Variants in ZFAND3 observed in about 807,000 individuals in gnomAD.
ZFAND3 encodes zinc finger AN1-type containing 3, also known as AN1-type zinc finger protein 3.
In ZFAND3, 10 loss-of-function variants were observed where a neutral mutation model predicts 29.6. The ratio of observed to expected loss-of-function variants is 0.34; its 90% CI spans 0.21 to 0.57. The LOEUF (loss-of-function observed/expected upper bound fraction) is 0.57. Ranked by LOEUF, ZFAND3 falls within the 20% of genes least tolerant of loss-of-function variation. The pLI is 0.86. For missense variants in ZFAND3, 230 were observed against 304.5 expected (o/e 0.76, Z 1.82); for synonymous variants, 128 against 112.6 (o/e 1.14, Z -0.87).
At chr6:37,824,129 T>C (rs1335208805) in intron 1 of ZFAND3, among the ~76,000 whole-genome samples, 1 of 152,240 alleles carries the variant, frequency 6.6e-6, no homozygotes, top group African/African-American at 2.4e-5. Flanking sequence ...CTTGGAGACA[T>C]GGACTTAAAA....
chr6:37,871,260 A>G (rs189832375), intron 1 of ZFAND3, among the ~76,000 whole-genome samples: 2 of 152,032 alleles, frequency 1.3e-5, no homozygotes, highest in Non-Finnish European at 2.9e-5. Context: ...TATCCAGTGA[A>G]TGTTCTTATT....
intron 2 of ZFAND3, among the ~76,000 whole-genome samples, chr6:38,029,462 ATTTCT>A (rs1312416261): frequency 6.6e-6 from 1 of 152,138 alleles, no homozygotes; most frequent in Non-Finnish European, 1.5e-5. Flanking sequence ...CTTCCTTGTG[ATTTCT>A]TTTCTTTCTC....
chr6:38,136,645 G>T (rs1050151459), intron 5 of ZFAND3, among the ~76,000 whole-genome samples: 9 of 152,226 alleles, frequency 5.9e-5, no homozygotes, highest in Non-Finnish European at 8.8e-5. Context: ...CACAGGTGAA[G>T]ATGGGTCCTG....
At chr6:37,845,544 CTT>C (rs1764162666) in intron 1 of ZFAND3, among the ~76,000 whole-genome samples, 1 of 152,156 alleles carries the variant, frequency 6.6e-6, no homozygotes, top group African/African-American at 2.4e-5. Flanking sequence ...GCATGTATAG[CTT>C]AATCTTCCAA....
At chr6:38,056,135 C>G (rs1299728822) in intron 2 of ZFAND3, among the ~76,000 whole-genome samples, 3 of 152,160 alleles carry the variant, frequency 2.0e-5, no homozygotes, top group African/African-American at 7.2e-5. Context: ...CTTAAGGAAG[C>G]TCAATGAAAT....
At chr6:37,955,944 T>C (rs2127422590) in intron 2 of ZFAND3, among the ~76,000 whole-genome samples, 1 of 151,994 alleles carries the variant, frequency 6.6e-6, no homozygotes, top group South Asian at 2.1e-4. Flanking sequence ...AATAAGAAAA[T>C]TGGTTGCCTG....
chr6:38,014,429 C>T (rs926332547), intron 2 of ZFAND3, among the ~76,000 whole-genome samples: 15 of 152,074 alleles, frequency 9.9e-5, no homozygotes, highest in Admixed American at 6.5e-4. Context: ...CTGGTTTAAG[C>T]GATTCTCCCG....
At chr6:37,834,798 GAT>G (rs1411562834) in intron 1 of ZFAND3, among the ~76,000 whole-genome samples, 1 of 147,022 alleles carries the variant, frequency 6.8e-6, no homozygotes, top group African/African-American at 2.6e-5. Context: ...CATATATAAT[GAT>G]ATATGCTCAT....
chr6:37,983,343 CTTTTTTTTTTTTTTTTTT>C (rs70981516), intron 2 of ZFAND3, among the ~76,000 whole-genome samples: 6 of 50,040 alleles, frequency 1.2e-4, no homozygotes, highest in African/African-American at 4.0e-4. Flanking sequence ...CAGTTTTTAT[CTTTTTTTTTTTTTTTTTT>C]TTTTTTTTTT....
chr6:37,963,115 T>A (rs1425522626), intron 2 of ZFAND3, among the ~76,000 whole-genome samples: 1 of 152,158 alleles, frequency 6.6e-6, no homozygotes. Flanking sequence ...ACTGTAACAC[T>A]CGCTGCGAGG....
rs561030716 is a variant in ZFAND3 at position 37,935,301 on chromosome 6, A to T, written c.112+5302A>T. On this transcript the variant is annotated intron_variant, in intron 2 of 5. Coordinates refer to ENST00000287218, the MANE Select transcript of ZFAND3 (RefSeq NM_021943.3). ...ATCAGAGCTGGTCTGAGGATCTCTT[A>T]TGGCCTAATTTTGGCTTTTCTTACC... Among the ~76,000 whole-genome samples, 469 of 152,240 alleles carry T rather than the reference A, an allele frequency of 3.1e-3. 3 individuals are homozygous for T. Among genetic ancestry groups the T allele is most frequent in the African/African-American group, 0.011 (446 of 41,556 alleles).
At chr6:38,096,345 G>C (rs982967882) in intron 4 of ZFAND3, among the ~76,000 whole-genome samples, 2 of 152,040 alleles carry the variant, frequency 1.3e-5, no homozygotes, top group Non-Finnish European at 2.9e-5. Context: ...GCTAACTTTT[G>C]TATTTTTAGT....
chr6:37,920,238 T>C (rs1761352534), intron 1 of ZFAND3, among the ~76,000 whole-genome samples: 2 of 152,112 alleles, frequency 1.3e-5, no homozygotes, highest in South Asian at 2.1e-4. Flanking sequence ...ATATATTGGG[T>C]GTGTTAGAGT....
intron 1 of ZFAND3, among the ~76,000 whole-genome samples, chr6:37,897,362 G>A (rs926098171): frequency 6.6e-6 from 1 of 152,158 alleles, no homozygotes; most frequent in African/African-American, 2.4e-5. Flanking sequence ...TGTTGCTTAT[G>A]GTAGTAATTC....
At chr6:38,080,055 CAA>C (rs59385588) in intron 3 of ZFAND3, among the ~76,000 whole-genome samples, 6 of 130,058 alleles carry the variant, frequency 4.6e-5, no homozygotes, top group East Asian at 2.1e-4. Context: ...AAAGTTCCTC[CAA>C]AAAAAAAAAA....
chr6:38,146,005 T>C (rs926688834), intron 5 of ZFAND3, among the ~76,000 whole-genome samples: 1 of 152,230 alleles, frequency 6.6e-6, no homozygotes, highest in Non-Finnish European at 1.5e-5. Context: ...TGCCATAATC[T>C]TGTGTCTTTG....
intron 2 of ZFAND3, among the ~76,000 whole-genome samples, chr6:38,049,976 A>G (rs1249919940): frequency 1.9e-5 from 2 of 103,574 alleles, no homozygotes; most frequent in Admixed American, 2.2e-4. Context: ...TTTGGGGGAG[A>G]CAGAGTCTCT....
chr6:37,906,699 T>TA, intron 1 of ZFAND3, among the ~76,000 whole-genome samples: 1 of 97,568 alleles, frequency 1.0e-5, no homozygotes, highest in African/African-American at 4.3e-5. Context: ...ACTTACTTTC[T>TA]GTTTTTTTTT....
intron 3 of ZFAND3, among the ~76,000 whole-genome samples, chr6:38,072,076 A>G (rs959847821): frequency 6.6e-6 from 1 of 152,160 alleles, no homozygotes; most frequent in East Asian, 1.9e-4. Flanking sequence ...GAAAATTTGG[A>G]TGCTTTGTGG....
Sources: allele counts gnomAD v4.1 joint callset (sites outside exome capture counted in the v4.1 genomes callset), GRCh38; gene constraint gnomAD v4.1.1; transcripts MANE v1.5; gene names NCBI Gene and HGNC (gene_info 2026-07-23, HGNC 2026-07-21).